The following EYS variants were observed in gnomAD, a reference collection of about 807,000 sequenced individuals.
EYS encodes EGF-like photoreceptor maintenance factor.
EYS carries 250 observed loss-of-function variants against 282.1 expected under a neutral mutation model. The observed-to-expected ratio is 0.89, with a 90% CI of 0.80 to 0.98. The LOEUF (loss-of-function observed/expected upper bound fraction) is 0.98. Ranked by LOEUF, EYS falls within the 50% of genes least tolerant of loss-of-function variation. The pLI, the probability that EYS is intolerant of heterozygous loss-of-function variation, is 0.00. For synonymous variants in EYS, 1,355 were observed against 1,282.9 expected (o/e 1.06, Z -1.20); for missense variants, 4,016 against 3,709.0 (o/e 1.08, Z -2.15).
At chr6:64,916,648 C>A (rs1768174261) in intron 15 of EYS, among the ~76,000 whole-genome samples, 1 of 151,874 alleles carries the variant, frequency 6.6e-6, no homozygotes, top group Non-Finnish European at 1.5e-5. Flanking sequence ...TGGAACCAGG[C>A]AGATATTTTC....
chr6:63,986,633 G>A (rs954032805), intron 34 of EYS, among the ~76,000 whole-genome samples: 1 of 151,756 alleles, frequency 6.6e-6, no homozygotes, highest in African/African-American at 2.4e-5. Flanking sequence ...GTGGACACAT[G>A]GATGGAGCTG....
intron 35 of EYS, among the ~76,000 whole-genome samples, chr6:63,965,968 C>T (rs1171761055): frequency 6.6e-6 from 1 of 152,170 alleles, no homozygotes. Flanking sequence ...ATGCCACCTG[C>T]TCTGTGAGCT....
At chr6:64,569,208 C>A (rs767190254) in intron 26 of EYS, among the ~76,000 whole-genome samples, 1 of 151,800 alleles carries the variant, frequency 6.6e-6, no homozygotes, top group Non-Finnish European at 1.5e-5. Context: ...GCTAAAGGAG[C>A]ATATTCTAAC....
chr6:64,474,732 C>G (rs1355096480), intron 26 of EYS, among the ~76,000 whole-genome samples: 1 of 152,176 alleles, frequency 6.6e-6, no homozygotes, highest in African/African-American at 2.4e-5. Flanking sequence ...TCAAGAAGAA[C>G]AATACAGTAT....
At chr6:64,433,244 A>G (rs1156263506) in intron 28 of EYS, among the ~76,000 whole-genome samples, 1 of 152,036 alleles carries the variant, frequency 6.6e-6, no homozygotes, top group African/African-American at 2.4e-5. Context: ...ATATTCAAGA[A>G]GAAAGCCATA....
chr6:64,835,937 T>C (rs1361083186), intron 19 of EYS, among the ~76,000 whole-genome samples: 1 of 151,652 alleles, frequency 6.6e-6, no homozygotes, highest in African/African-American at 2.4e-5. Context: ...ATAAACGATG[T>C]ATAAAAGACA....
rs576531048 is a variant in EYS, at chr6:63,962,806, G to A, written c.7055+21577C>T. ...AACATGCTGCTATAAAGACACATGC[G>A]CACGTATGTTTATTGTGGCACTATT... On this transcript the variant is annotated intron_variant, in intron 35 of 42. Transcript: ENST00000503581. Among the ~76,000 whole-genome samples, 129 of 152,076 alleles carry A rather than the reference G, an allele frequency of 8.5e-4. 1 individual carries two copies. The highest frequency in any genetic ancestry group is 2.9e-3 in the African/African-American group (119 of 41,488).
intron 30 of EYS, among the ~76,000 whole-genome samples, chr6:64,281,518 A>G (rs1264330180): frequency 1.3e-5 from 2 of 152,124 alleles, no homozygotes; most frequent in African/African-American, 4.8e-5. Context: ...TATAGTAAAG[A>G]CTGACAGAAT....
intron 29 of EYS, among the ~76,000 whole-genome samples, chr6:64,319,082 T>C (rs1770095626): frequency 6.6e-6 from 1 of 151,968 alleles, no homozygotes; most frequent in Admixed American, 6.6e-5. Context: ...CCTTTCTCTT[T>C]ATATTGTTAT....
At chr6:64,044,642 T>C (rs1770539485) in intron 33 of EYS, among the ~76,000 whole-genome samples, 1 of 152,254 alleles carries the variant, frequency 6.6e-6, no homozygotes, top group South Asian at 2.1e-4. Flanking sequence ...ACACATGTCT[T>C]AGAGTGCTTA....
At chr6:65,288,566 TGAAA>T (rs929485261) in intron 12 of EYS, among the ~76,000 whole-genome samples, 2 of 150,732 alleles carry the variant, frequency 1.3e-5, no homozygotes, top group African/African-American at 4.9e-5. Flanking sequence ...AGTATAAAGG[TGAAA>T]GAAAGAGGTA....
intron 24 of EYS, among the ~76,000 whole-genome samples, chr6:64,606,066 G>C (rs1176927521): frequency 6.6e-6 from 1 of 151,770 alleles, no homozygotes; most frequent in Non-Finnish European, 1.5e-5. Context: ...TTTCTTTTCT[G>C]TGTTATAATT....
At chr6:65,453,753 A>T (rs947613829) in intron 5 of EYS, among the ~76,000 whole-genome samples, 1 of 151,942 alleles carries the variant, frequency 6.6e-6, no homozygotes, top group African/African-American at 2.4e-5. Context: ...TATTTTAGAT[A>T]CCAGGTATGA....
At chr6:65,153,604 C>CATGTTCT (rs1764668305) in intron 12 of EYS, among the ~76,000 whole-genome samples, 1 of 151,608 alleles carries the variant, frequency 6.6e-6, no homozygotes. Context: ...TCAGTGCTGC[C>CATGTTCT]ATGTTCTTTA....
intron 36 of EYS, among the ~76,000 whole-genome samples, chr6:63,813,266 C>A (rs2149682329): frequency 6.6e-6 from 1 of 152,322 alleles, no homozygotes; most frequent in East Asian, 1.9e-4. Flanking sequence ...AGGCATGAGC[C>A]ACCAGGCCTG....
At chr6:63,968,745 C>T (rs1345534483) in intron 35 of EYS, among the ~76,000 whole-genome samples, 2 of 152,174 alleles carry the variant, frequency 1.3e-5, no homozygotes, top group Admixed American at 6.6e-5. Flanking sequence ...TAAAAATCTC[C>T]CCCAGACAGG....
intron 5 of EYS, among the ~76,000 whole-genome samples, chr6:65,478,507 A>C (rs1468085375): frequency 6.6e-6 from 1 of 152,140 alleles, no homozygotes; most frequent in African/African-American, 2.4e-5. Flanking sequence ...TAAGAAAAAC[A>C]CATGAAAGAT....
intron 26 of EYS, among the ~76,000 whole-genome samples, chr6:64,579,052 T>G (rs1765979497): frequency 6.6e-6 from 1 of 152,142 alleles, no homozygotes; most frequent in South Asian, 2.1e-4. Context: ...TTAAAAAGTC[T>G]CTGGAGAAGC....
chr6:65,317,774 TTCTC>T (rs139551851), intron 11 of EYS, among the ~76,000 whole-genome samples: 29,318 of 124,756 alleles, frequency 0.24, 4,277 homozygotes, highest in Middle Eastern at 0.27. Flanking sequence ...AGGCTACATT[TTCTC>T]TTCCTTCCTT....
Sources: allele counts gnomAD v4.1 joint callset (sites outside exome capture counted in the v4.1 genomes callset), GRCh38; gene constraint gnomAD v4.1.1; transcripts MANE v1.5; gene names NCBI Gene and HGNC (gene_info 2026-07-23, HGNC 2026-07-21).